SVIL: variants seen among roughly 807,000 people sequenced by gnomAD.
SVIL encodes the protein archvillin.
In SVIL, 101 loss-of-function variants were observed where a neutral mutation model predicts 240.4. The observed-to-expected ratio is 0.42, with a 90% CI of 0.36 to 0.50. SVIL has a LOEUF of 0.50. SVIL is among the 20% of genes least tolerant of loss of function. The pLI is 0.01. For synonymous variants in SVIL, 999 were observed against 1,100.0 expected (o/e 0.91, Z 1.82); for missense variants, 2,512 against 2,818.7 (o/e 0.89, Z 2.46).
intron 1 of SVIL, among the ~76,000 whole-genome samples, chr10:29,574,582 G>A (rs1955603240): frequency 6.6e-6 from 1 of 152,208 alleles, no homozygotes; most frequent in Non-Finnish European, 1.5e-5. Context: ...GTAATGAAAT[G>A]TTAGATGACT....
intron 6 of SVIL, among the ~76,000 whole-genome samples, chr10:29,543,684 A>G (rs140556389): frequency 3.3e-3 from 505 of 151,298 alleles, no homozygotes; most frequent in African/African-American, 0.011. Flanking sequence ...TTCCTCCTCC[A>G]TCTCTCCCCT....
intron 1 of SVIL, among the ~76,000 whole-genome samples, chr10:29,623,353 G>A (rs1350539498): frequency 6.6e-6 from 1 of 152,162 alleles, no homozygotes; most frequent in African/African-American, 2.4e-5. Context: ...CAGTGGCTAG[G>A]GGCTACCCAA....
In SVIL at chr10:29,566,090, C is replaced by T. The variant is rs142751110; in HGVS notation, c.-142-2798G>A. 2.2e-3 allele frequency among the ~76,000 whole-genome samples: 328 copies of T among 152,158 alleles called. 2 individuals carry two copies. Among genetic ancestry groups the T allele is most frequent in the African/African-American group, 7.5e-3 (313 of 41,504 alleles). On this transcript the variant is annotated intron_variant, in intron 2 of 37. Transcript: ENST00000355867. Reference sequence around the variant, plus strand: ...CATTGAGAATAACTATAAGAGCATACGGTCAATAACATCAGTCATAAGCCC... The same window carrying T: ...CATTGAGAATAACTATAAGAGCATATGGTCAATAACATCAGTCATAAGCCC...
At chr10:29,639,245 C>T (rs1026000445), upstream of SVIL, among the ~76,000 whole-genome samples, 4 of 152,202 alleles carry the variant, frequency 2.6e-5, no homozygotes, top group Admixed American at 2.0e-4. Flanking sequence ...GATCTTGGCT[C>T]ACTGCAATTT....
intron 36 of SVIL, among the ~76,000 whole-genome samples, chr10:29,461,853 C>CTAAT (rs1216329957): frequency 6.6e-6 from 1 of 152,150 alleles, no homozygotes; most frequent in Admixed American, 6.5e-5. Flanking sequence ...TCTGAACATA[C>CTAAT]TAATTCATCA....
chr10:29,674,534 C>T (rs1460875701), intron 2 of SVIL, among the ~76,000 whole-genome samples: 2 of 152,144 alleles, frequency 1.3e-5, no homozygotes, highest in African/African-American at 4.8e-5. Flanking sequence ...CTTGGAGTTA[C>T]TTATATTCCA....
chr10:29,520,676 G>A (rs1016666358), intron 16 of SVIL, among the ~76,000 whole-genome samples: 1 of 152,164 alleles, frequency 6.6e-6, no homozygotes, highest in African/African-American at 2.4e-5. Flanking sequence ...GGAAGGCTGA[G>A]GTGGGAGGAC....
intron 1 of SVIL, among the ~76,000 whole-genome samples, chr10:29,614,116 T>C (rs1158035536): frequency 1.3e-5 from 2 of 152,188 alleles, no homozygotes; most frequent in Admixed American, 6.5e-5. Flanking sequence ...CAGAACCTTT[T>C]AAAGCCATTT....
At chr10:29,478,920 G>A (rs1365070089) in intron 29 of SVIL, among the ~76,000 whole-genome samples, 1 of 72,332 alleles carries the variant, frequency 1.4e-5, no homozygotes, top group African/African-American at 6.6e-5. Flanking sequence ...GTGAAACCCT[G>A]TCTCAAAAAA....
chr10:29,612,783 G>A lies in SVIL; in HGVS notation c.-201+21637C>T, dbSNP rs144562595. Among the ~76,000 whole-genome samples the A allele has an allele frequency of 3.0e-3, 460 of 152,246 alleles. 1 individual carries two copies. The highest frequency in any genetic ancestry group is 0.01 in the African/African-American group (435 of 41,544). On this transcript the variant is annotated intron_variant, in intron 1 of 37. Coordinates refer to ENST00000355867, the MANE Select transcript of SVIL (RefSeq NM_021738.3). Reference sequence around the variant, plus strand: ...AAATGTGCTTTTCCTAGTCACAAACGTCCAATCTGTACAGGACAATTAGGA... The same window carrying A: ...AAATGTGCTTTTCCTAGTCACAAACATCCAATCTGTACAGGACAATTAGGA...
intron 1 of SVIL, among the ~76,000 whole-genome samples, chr10:29,597,650 G>A (rs544924769): frequency 4.0e-5 from 6 of 151,890 alleles, no homozygotes; most frequent in Non-Finnish European, 7.4e-5. Context: ...TCCACCAGCC[G>A]CGGCCTCCCA....
intron 1 of SVIL, among the ~76,000 whole-genome samples, chr10:29,721,167 C>A (rs1400707210): frequency 4.6e-5 from 7 of 151,856 alleles, no homozygotes; most frequent in African/African-American, 1.7e-4. Flanking sequence ...AATCTTAAAG[C>A]AACCACAAAA....
chr10:29,696,834 C>G (rs1283134326), intron 1 of SVIL, among the ~76,000 whole-genome samples: 3 of 150,218 alleles, frequency 2.0e-5, no homozygotes, highest in East Asian at 2.1e-4. Flanking sequence ...GCTCAGCCCC[C>G]CGCCCGGCCA....
In SVIL at chr10:29,523,561, A is replaced by T; in HGVS notation, c.3053T>A (p.Phe1018Tyr). 1.2e-6 allele frequency: 2 copies of T among 1,614,188 alleles called. No individual in the cohort carries two copies. The highest frequency in any genetic ancestry group is 8.5e-7 in the Non-Finnish European group (1 of 1,180,044). ...TTGTGCATTCATTTTAGCCATGGAAAATTCCTTCGGTTCATCCCCGAGGTG... is the reference window on the plus strand; with the variant it reads ...TTGTGCATTCATTTTAGCCATGGAATATTCCTTCGGTTCATCCCCGAGGTG... Reference protein sequence around the residue: ...ITHLGDEPKEFSMAKMNAQGN... With the variant: ...ITHLGDEPKEYSMAKMNAQGN... The change falls in exon 15 of 38, where the codon TTT becomes TAT. Residue 1018 changes from phenylalanine (F) to tyrosine (Y), a missense_variant. Phe to Tyr is a conservative substitution (Grantham distance 22, BLOSUM62 3). Coordinates refer to ENST00000355867, the MANE Select transcript of SVIL (RefSeq NM_021738.3).
intron 6 of SVIL, among the ~76,000 whole-genome samples, chr10:29,537,359 T>C (rs993288322): frequency 6.6e-6 from 1 of 152,154 alleles, no homozygotes; most frequent in South Asian, 2.1e-4. Flanking sequence ...GGCTAGGTAA[T>C]ATATAGTCCA....
intron 1 of SVIL, among the ~76,000 whole-genome samples, chr10:29,632,780 C>G: frequency 6.6e-6 from 1 of 152,170 alleles, no homozygotes; most frequent in Admixed American, 6.5e-5. Context: ...TAATGTACTA[C>G]AATAGCTTGT....
chr10:29,647,962 TG>T (rs2133000644), intron 3 of SVIL, among the ~76,000 whole-genome samples: 1 of 137,554 alleles, frequency 7.3e-6, no homozygotes, highest in East Asian at 2.0e-4. Context: ...ATTAAACTTT[TG>T]TCAATATCAA....
intron 1 of SVIL, among the ~76,000 whole-genome samples, chr10:29,691,501 G>A (rs1034472670): frequency 3.3e-5 from 5 of 152,154 alleles, no homozygotes; most frequent in East Asian, 3.9e-4. Flanking sequence ...GTGAGCCACC[G>A]CGCCCAGCCC....
intron 17 of SVIL, among the ~76,000 whole-genome samples, chr10:29,505,420 C>A (rs1320165064): frequency 6.6e-6 from 1 of 151,816 alleles, no homozygotes; most frequent in Non-Finnish European, 1.5e-5. Flanking sequence ...ATGAAAGAAG[C>A]CAATCTGAAA....
Sources: allele counts gnomAD v4.1 joint callset (sites outside exome capture counted in the v4.1 genomes callset), GRCh38; gene constraint gnomAD v4.1.1; transcripts MANE v1.5; gene names NCBI Gene and HGNC (gene_info 2026-07-23, HGNC 2026-07-21).